The following PI4KA variants were observed in gnomAD, a reference collection of about 807,000 sequenced individuals.
PI4KA encodes the protein PI4-kinase alpha.
Under a neutral mutation model 271.4 loss-of-function variants are expected in PI4KA, and 122 were observed. That is an observed-to-expected ratio of 0.45 (90% CI 0.39 to 0.52). The LOEUF (loss-of-function observed/expected upper bound fraction) is 0.52. Among genes scored for constraint, PI4KA ranks in the 20% least tolerant of loss-of-function variants. The probability of loss-of-function intolerance (pLI) is 0.00; values close to 1 mark genes in which losing one functional copy is unlikely to be tolerated. For synonymous variants in PI4KA, 1,041 were observed against 1,078.8 expected (o/e 0.96, Z 0.69); for missense variants, 1,969 against 2,769.1 (o/e 0.71, Z 6.48).
At chr22:20,855,529 T>C (rs944882771) in intron 1 of PI4KA, among the ~76,000 whole-genome samples, 3 of 152,130 alleles carry the variant, frequency 2.0e-5, no homozygotes, top group Non-Finnish European at 2.9e-5. Context: ...GGCTAAATTT[T>C]TTACAGTGAA....
At chr22:20,770,874 A>G (rs1932843427) in intron 19 of PI4KA, among the ~76,000 whole-genome samples, 1 of 152,008 alleles carries the variant, frequency 6.6e-6, no homozygotes, top group Non-Finnish European at 1.5e-5. Flanking sequence ...ATATTTTTAG[A>G]ATTTCATGTT....
Position 20,712,496 on chromosome 22 carries a change from G to A in PI4KA, c.5792C>T (p.Ala1931Val). Reference protein sequence around the residue: ...TRQYGDESTLAFQQARYNFIR... With the variant: ...TRQYGDESTLVFQQARYNFIR... ...GGCCACCCTGGCTACCTGCTGGAAG[G>A]CCAGAGTGGACTCATCCCCGTACTG... Residue 1931 changes from alanine (A) to valine (V), a missense_variant, in exon 50 of 55, where the codon GCC (alanine) becomes GTC (valine). Coordinates refer to ENST00000255882, the MANE Select transcript of PI4KA (RefSeq NM_058004.4). 7 of 1,607,854 alleles carry A rather than the reference G, an allele frequency of 4.4e-6. No individual in the cohort carries two copies. The highest frequency in any genetic ancestry group is 5.1e-6 in the Non-Finnish European group (6 of 1,177,906).
chr22:20,851,422 C>T (rs188573302), intron 1 of PI4KA, among the ~76,000 whole-genome samples: 7 of 152,172 alleles, frequency 4.6e-5, no homozygotes, highest in African/African-American at 1.7e-4. Context: ...GCTCACCACA[C>T]CACCTCCCGG....
intron 3 of PI4KA, 121 bp downstream of exon 3, chr22:20,834,441 T>C: frequency 1.4e-6 from 1 of 716,544 alleles, no homozygotes; most frequent in East Asian, 2.5e-5. Flanking sequence ...AGGCAGTTGT[T>C]TCCCAGCCAG....
chr22:20,828,564 GT>G (rs550948676), intron 3 of PI4KA, among the ~76,000 whole-genome samples: 62 of 151,164 alleles, frequency 4.1e-4, no homozygotes, highest in Admixed American at 7.9e-4. Context: ...TTTTTTTGGG[GT>G]TTTTTTTTGA....
In PI4KA at chr22:20,796,265, T is replaced by C. The variant is rs1224145980; in HGVS notation, c.2158A>G (p.Ile720Val). The change falls in exon 18 of 55, where the codon ATC (isoleucine) becomes GTC (valine). Residue 720 changes from isoleucine (I) to valine (V), a missense_variant. This residue lies in a region of PI4KA where 368 missense variants were observed against 544.3 expected (regional missense o/e 0.68). Transcript: ENST00000255882. Reference sequence around the variant, plus strand: ...TCATCCACCAGGTGCTCGTCTTGGATGTTGGCCGCGATGTTGGCCAGGGCA... The same window carrying C: ...TCATCCACCAGGTGCTCGTCTTGGACGTTGGCCGCGATGTTGGCCAGGGCA... The part of the protein sequence containing the change: ...INALANIAAN[I>V]QDEHLVDELL... 5 of 1,613,942 alleles carry C rather than the reference T, an allele frequency of 3.1e-6. No individual in the cohort carries two copies. In the East Asian group the frequency reaches 8.9e-5, roughly 29 times the overall value.
chr22:20,716,469 T>C (rs1926017426), intron 45 of PI4KA, among the ~76,000 whole-genome samples: 1 of 152,168 alleles, frequency 6.6e-6, no homozygotes, highest in Admixed American at 6.5e-5. Flanking sequence ...CCTTGAGCCC[T>C]GAGAGGTGGG....
chr22:20,829,552 CTT>C (rs1329732522), intron 3 of PI4KA, among the ~76,000 whole-genome samples: 3 of 148,558 alleles, frequency 2.0e-5, no homozygotes, highest in Admixed American at 2.0e-4. Context: ...GACCTTTTCT[CTT>C]TTTTTCTTTG....
chr22:20,733,057 C>G lies in PI4KA; in HGVS notation c.4202G>C (p.Arg1401Pro). ...KFPTQGEKRL[R>P]EDISIMIKFW... ...TTTAATCATGATGCTTATGTCTTCA[C>G]GCAGCCGCTTCTCTCCTTGAGTAGG... The change falls in exon 36 of 55, where the codon CGT (arginine) becomes CCT (proline). Residue 1401 changes from arginine (R) to proline (P), a missense_variant. Physicochemically the swap from Arg to Pro is moderately radical, Grantham distance 103. Coordinates refer to ENST00000255882, the MANE Select transcript of PI4KA (RefSeq NM_058004.4). 6.2e-7 allele frequency: 1 copy of G among 1,611,838 alleles called. No homozygotes were observed.
intron 19 of PI4KA, chr22:20,779,784 A>G (rs777634256): frequency 8.1e-6 from 13 of 1,614,228 alleles, no homozygotes; most frequent in South Asian, 1.1e-5. Flanking sequence ...ACCCGTTGGC[A>G]TTTCTACTGC....
Position 20,727,244 on chromosome 22 carries a change from G to A in PI4KA, c.4927C>T (p.Arg1643Trp), listed in dbSNP as rs750112492. The part of the protein sequence containing the change: ...LTAQYGVKVL[R>W]SFPPDAILFY... ...CCTGGGCTCACCGGAGGGAAGGACCGCAGGACTTTCACCCCGTACTGCGCC... is the reference window on the plus strand; with the variant it reads ...CCTGGGCTCACCGGAGGGAAGGACCACAGGACTTTCACCCCGTACTGCGCC... The change falls in exon 41 of 55, where the codon CGG (arginine) becomes TGG (tryptophan). Residue 1643 changes from arginine to tryptophan, a missense_variant. Around this residue, in one of 13 missense-constraint regions of PI4KA, gnomAD observed 388 missense variants for 521.5 expected, o/e 0.74. Transcript: ENST00000255882. The A allele has an allele frequency of 9.3e-6, 15 of 1,612,534 alleles. No individual in the cohort carries two copies. The highest frequency in any genetic ancestry group is 6.7e-5 in the African/African-American group (5 of 74,874).
chr22:20,749,782 C>T, intron 28 of PI4KA, 123 bp downstream of exon 28: 1 of 678,766 alleles, frequency 1.5e-6, no homozygotes, highest in South Asian at 1.7e-5. Flanking sequence ...AGGCCCTAGA[C>T]TGATGCTTCC....
At chr22:20,757,914 T>C (rs1200121323) in intron 23 of PI4KA, among the ~76,000 whole-genome samples, 3 of 152,026 alleles carry the variant, frequency 2.0e-5, no homozygotes, top group African/African-American at 7.3e-5. Context: ...CTTCTAGAGG[T>C]TGGCAGTTTC....
chr22:20,834,975 C>G (rs1175161668), intron 2 of PI4KA, among the ~76,000 whole-genome samples: 2 of 152,160 alleles, frequency 1.3e-5, no homozygotes, highest in South Asian at 4.1e-4. Context: ...CACGTGTGTA[C>G]ACACTCAAAG....
intron 1 of PI4KA, among the ~76,000 whole-genome samples, chr22:20,856,501 C>T (rs1927615722): frequency 6.7e-6 from 1 of 148,374 alleles, no homozygotes; most frequent in Non-Finnish European, 1.5e-5. Flanking sequence ...ATGGCGCAAT[C>T]TTGGCTCACT....
At chr22:20,765,385 A>G (rs1932428730) in intron 20 of PI4KA, 149 bp from the exon 21 acceptor site, 2 of 906,644 alleles carry the variant, frequency 2.2e-6, no homozygotes, top group East Asian at 4.9e-5. Flanking sequence ...TGACTTGGAC[A>G]GACTTTTCCT....
At chr22:20,709,527 G>A (rs1206806060) in intron 53 of PI4KA, 148 bp from the exon 54 acceptor site, 1 of 662,852 alleles carries the variant, frequency 1.5e-6, no homozygotes, top group Non-Finnish European at 2.8e-6. Context: ...TGGAAGATGG[G>A]GTGCTGTGAA....
intron 19 of PI4KA, among the ~76,000 whole-genome samples, chr22:20,769,704 G>A (rs907427026): frequency 6.6e-6 from 1 of 151,468 alleles, no homozygotes; most frequent in African/African-American, 2.4e-5. Flanking sequence ...GGGGGAAGTG[G>A]GAAGACTGAA....
chr22:20,712,373 C>A, intron 50 of PI4KA, 113 bp downstream of exon 50: 2 of 1,551,934 alleles, frequency 1.3e-6, no homozygotes, highest in Non-Finnish European at 1.7e-6. Context: ...CTGGTTTTAA[C>A]CCTTAACAAA....
Sources: gnomAD v4.1 joint callset for allele counts (sites outside exome capture counted in the v4.1 genomes callset) on GRCh38, gnomAD v4.1.1 for gene constraint, gnomAD v4.1.1 regional missense constraint, MANE v1.5 for transcripts, NCBI Gene and HGNC (gene_info 2026-07-23, HGNC 2026-07-21) for gene names.